CDK14: variants seen among roughly 807,000 people sequenced by gnomAD.
The protein encoded by CDK14 is cyclin dependent kinase 14.
CDK14 carries 34 observed loss-of-function variants against 60.7 expected under a neutral mutation model. The ratio of observed to expected loss-of-function variants is 0.56; its 90% CI spans 0.43 to 0.75. The LOEUF is 0.75. Among genes scored for constraint, CDK14 ranks in the 30% least tolerant of loss-of-function variants. The pLI is 0.00. For synonymous variants in CDK14, 197 were observed against 203.7 expected, an observed-to-expected ratio of 0.97 and a Z score of 0.28; for missense variants, 482 against 564.1, an observed-to-expected ratio of 0.85 and a Z score of 1.47.
chr7:91,069,400 G>A (rs1332839082), intron 11 of CDK14, among the ~76,000 whole-genome samples: 1 of 152,048 alleles, frequency 6.6e-6, no homozygotes, highest in African/African-American at 2.4e-5. Context: ...AATTAGTCAG[G>A]CATGGTGGTG....
chr7:90,634,413 A>T (rs1020554970), intron 2 of CDK14, among the ~76,000 whole-genome samples: 1 of 150,820 alleles, frequency 6.6e-6, no homozygotes, highest in Non-Finnish European at 1.5e-5. Flanking sequence ...GCGATAGTTT[A>T]CTGAGAATGA....
chr7:91,030,514 A>G (rs1193623427), intron 10 of CDK14, among the ~76,000 whole-genome samples: 1 of 152,120 alleles, frequency 6.6e-6, no homozygotes, highest in Non-Finnish European at 1.5e-5. Context: ...ACCTCCTTTC[A>G]GTATTCTCCA....
intron 10 of CDK14, among the ~76,000 whole-genome samples, chr7:91,010,790 C>CCTTCTTTCCT: frequency 1.1e-5 from 1 of 90,604 alleles, no homozygotes; most frequent in Admixed American, 1.1e-4. Flanking sequence ...CCTTCTTTCC[C>CCTTCTTTCCT]TCCTTCCTTC....
intron 14 of CDK14, among the ~76,000 whole-genome samples, chr7:91,152,753 A>G (rs923135743): frequency 3.3e-5 from 5 of 152,216 alleles, no homozygotes; most frequent in Admixed American, 2.6e-4. Flanking sequence ...GTGAAAAAAT[A>G]TGATGTAGGA....
At chr7:90,841,786 A>C (rs1382837559) in intron 5 of CDK14, among the ~76,000 whole-genome samples, 1 of 151,858 alleles carries the variant, frequency 6.6e-6, no homozygotes, top group African/African-American at 2.4e-5. Flanking sequence ...GTAGTTCCAG[A>C]CACTTGCTTA....
chr7:91,061,254 G>C (rs1182458033), intron 11 of CDK14, among the ~76,000 whole-genome samples: 2 of 152,156 alleles, frequency 1.3e-5, no homozygotes, highest in Admixed American at 1.3e-4. Context: ...GCTCCATCAG[G>C]TCCTTTAAGG....
chr7:90,700,340 C>T (rs1379692770), intron 2 of CDK14, among the ~76,000 whole-genome samples: 1 of 152,148 alleles, frequency 6.6e-6, no homozygotes, highest in African/African-American at 2.4e-5. Flanking sequence ...AGTCCGGCCA[C>T]CTTGGCCTCC....
intron 10 of CDK14, among the ~76,000 whole-genome samples, chr7:91,000,833 A>G (rs541775471): frequency 1.3e-5 from 2 of 152,318 alleles, no homozygotes; most frequent in South Asian, 4.1e-4. Context: ...GAAGTTCAGG[A>G]GGTCAACAGA....
chr7:90,652,903 G>A, intron 2 of CDK14, among the ~76,000 whole-genome samples: 1 of 152,186 alleles, frequency 6.6e-6, no homozygotes, highest in East Asian at 1.9e-4. Flanking sequence ...GCATACAGCT[G>A]TGTCTTTGCT....
intron 2 of CDK14, among the ~76,000 whole-genome samples, chr7:90,629,781 C>T (rs1385342108): frequency 6.6e-6 from 1 of 152,126 alleles, no homozygotes; most frequent in African/African-American, 2.4e-5. Context: ...AATCTCAGTC[C>T]TTTGGGAGGC....
At chr7:90,839,902 C>G (rs182786291) in intron 5 of CDK14, among the ~76,000 whole-genome samples, 1 of 152,016 alleles carries the variant, frequency 6.6e-6, no homozygotes, top group Admixed American at 6.6e-5. Flanking sequence ...TACTGACAGA[C>G]GGGTTTGCTT....
At chr7:90,986,821 T>G (rs1187092587) in intron 10 of CDK14, among the ~76,000 whole-genome samples, 1 of 151,970 alleles carries the variant, frequency 6.6e-6, no homozygotes, top group Non-Finnish European at 1.5e-5. Flanking sequence ...TTTCTGAACT[T>G]TAGACTCCAC....
chr7:90,987,473 A>G (rs976091126), intron 10 of CDK14, among the ~76,000 whole-genome samples: 1 of 152,140 alleles, frequency 6.6e-6, no homozygotes, highest in African/African-American at 2.4e-5. Flanking sequence ...CATCATCTAT[A>G]TAAAATTACT....
chr7:90,787,091 G>A (rs1805616760), intron 4 of CDK14, among the ~76,000 whole-genome samples: 1 of 152,166 alleles, frequency 6.6e-6, no homozygotes, highest in African/African-American at 2.4e-5. Context: ...GTTGTTGAGT[G>A]TTGAGACACG....
intron 5 of CDK14, among the ~76,000 whole-genome samples, chr7:90,840,611 G>A (rs945740413): frequency 6.6e-6 from 1 of 152,158 alleles, no homozygotes; most frequent in Non-Finnish European, 1.5e-5. Flanking sequence ...GGATACATAA[G>A]GGAAGCTTGT....
chr7:90,831,411 C>T (rs780321800), intron 5 of CDK14, among the ~76,000 whole-genome samples: 74 of 152,072 alleles, frequency 4.9e-4, no homozygotes, highest in Non-Finnish European at 7.5e-4. Context: ...GGAACCTCCC[C>T]GATGATCCAA....
At chr7:91,173,983 T>C (rs1368164960) in intron 14 of CDK14, among the ~76,000 whole-genome samples, 2 of 152,204 alleles carry the variant, frequency 1.3e-5, no homozygotes, top group Non-Finnish European at 2.9e-5. Flanking sequence ...CCTGCCTCTG[T>C]AGGCTCCACC....
At chr7:90,769,714 A>ACCTTGG (rs1248773908) in intron 4 of CDK14, among the ~76,000 whole-genome samples, 2 of 151,968 alleles carry the variant, frequency 1.3e-5, no homozygotes, top group African/African-American at 4.8e-5. Context: ...CGATCCATCC[A>ACCTTGG]CCTTGGCCTC....
chr7:90,886,837 G>A (rs571973963), intron 6 of CDK14, among the ~76,000 whole-genome samples: 2 of 152,184 alleles, frequency 1.3e-5, no homozygotes, highest in African/African-American at 2.4e-5. Context: ...TTTTTCCAGA[G>A]TATCTGTAAT....
Sources: allele counts gnomAD v4.1 joint callset (sites outside exome capture counted in the v4.1 genomes callset), GRCh38; gene constraint gnomAD v4.1.1; transcripts MANE v1.5; gene names NCBI Gene and HGNC (gene_info 2026-07-23, HGNC 2026-07-21).